NTNG1: variants seen among roughly 807,000 people sequenced by gnomAD.
NTNG1 encodes netrin-G1.
In NTNG1, 16 loss-of-function variants were observed where a neutral mutation model predicts 54.0. The ratio of observed to expected loss-of-function variants is 0.30; its 90% CI spans 0.20 to 0.45. The LOEUF is 0.45. Ranked by LOEUF, NTNG1 falls within the 20% of genes least tolerant of loss-of-function variation. The pLI is 1.00. For missense variants in NTNG1, 530 were observed against 678.7 expected, an observed-to-expected ratio of 0.78 and a Z score of 2.43; for synonymous variants, 255 against 263.1, an observed-to-expected ratio of 0.97 and a Z score of 0.30.
chr1:107,289,319 C>T (rs1665426806), intron 2 of NTNG1, among the ~76,000 whole-genome samples: 1 of 152,084 alleles, frequency 6.6e-6, no homozygotes, highest in Non-Finnish European at 1.5e-5. Context: ...TGATGTCTTC[C>T]TGTCAGTCAT....
At chr1:107,282,176 C>G (rs1176150912) in intron 2 of NTNG1, among the ~76,000 whole-genome samples, 1 of 152,156 alleles carries the variant, frequency 6.6e-6, no homozygotes, top group African/African-American at 2.4e-5. Context: ...TTCAGTTTGA[C>G]AAAATCCCAT....
At chr1:107,253,427 CCTTTTATT>C (rs1434502144) in intron 2 of NTNG1, among the ~76,000 whole-genome samples, 1 of 152,172 alleles carries the variant, frequency 6.6e-6, no homozygotes, top group Non-Finnish European at 1.5e-5. Context: ...ATATCTTTAT[CCTTTTATT>C]CTAAATTCTC....
At chr1:107,249,439 G>A (rs940426620) in intron 2 of NTNG1, among the ~76,000 whole-genome samples, 6 of 147,968 alleles carry the variant, frequency 4.1e-5, no homozygotes, top group East Asian at 2.0e-4. Flanking sequence ...CCGAGATGGC[G>A]CCATTGCACT....
At chr1:107,397,671 A>G (rs1672763429) in intron 4 of NTNG1, among the ~76,000 whole-genome samples, 1 of 152,300 alleles carries the variant, frequency 6.6e-6, no homozygotes, top group South Asian at 2.1e-4. Flanking sequence ...AGTTTTTTTC[A>G]TAAGACAGTC....
chr1:107,252,275 G>A (rs1662656323), intron 2 of NTNG1, among the ~76,000 whole-genome samples: 2 of 152,172 alleles, frequency 1.3e-5, no homozygotes, highest in South Asian at 4.1e-4. Context: ...TCCTTTTAAA[G>A]CCATTTGCTG....
At chr1:107,195,927 C>T (rs61324349) in intron 2 of NTNG1, among the ~76,000 whole-genome samples, 16,071 of 151,866 alleles carry the variant, frequency 0.11, 2,852 homozygotes, top group African/African-American at 0.36. Flanking sequence ...TTATTTTCTC[C>T]TTAGCATTTA....
At chr1:107,396,145 T>C (rs1415650284) in intron 4 of NTNG1, among the ~76,000 whole-genome samples, 1 of 152,038 alleles carries the variant, frequency 6.6e-6, no homozygotes, top group Non-Finnish European at 1.5e-5. Flanking sequence ...CTTTAAAAAG[T>C]AGAGAAAGGG....
intron 5 of NTNG1, among the ~76,000 whole-genome samples, chr1:107,429,692 T>TTATAAATG (rs1675134267): frequency 6.6e-6 from 1 of 152,156 alleles, no homozygotes; most frequent in African/African-American, 2.4e-5. Context: ...AATGTCCAAC[T>TTATAAATG]AGGCCTACCC....
At chr1:107,397,680 T>C (rs1391677397) in intron 4 of NTNG1, among the ~76,000 whole-genome samples, 3 of 152,112 alleles carry the variant, frequency 2.0e-5, no homozygotes, top group Non-Finnish European at 4.4e-5. Context: ...CATAAGACAG[T>C]CTTGTCCATT....
intron 2 of NTNG1, among the ~76,000 whole-genome samples, chr1:107,254,045 C>A (rs915255811): frequency 1.3e-5 from 2 of 152,194 alleles, no homozygotes; most frequent in Non-Finnish European, 2.9e-5. Context: ...TTGCTTCTTA[C>A]ATTTACCTTG....
At chr1:107,290,963 T>TATATTATATATA (rs199789100) in intron 2 of NTNG1, among the ~76,000 whole-genome samples, 7 of 142,528 alleles carry the variant, frequency 4.9e-5, no homozygotes, top group Admixed American at 2.1e-4. Context: ...TATATATATA[T>TATATTATATATA]TATATATATA....
In NTNG1 at chr1:107,430,867, G is replaced by C. The variant is rs371441460; in HGVS notation, c.1205G>C (p.Gly402Ala). ...RGQHCELCRL[G>A]YFRNASAQLD... ...CAGCACTGTGAGTTATGCAGGCTGG[G>C]CTACTTCAGAAATGCTTCTGCACAA... The change falls in exon 6 of 8, where the codon GGC becomes GCC. Residue 402 changes from glycine to alanine, a missense_variant. Physicochemically the swap from Gly to Ala is moderately conservative, Grantham distance 60. Around this residue, in one of 2 missense-constraint regions of NTNG1, gnomAD observed 212 missense variants for 213.6 expected, o/e 0.99. Coordinates refer to ENST00000370068, the MANE Select transcript of NTNG1 (RefSeq NM_001113226.3). The C allele has an allele frequency of 5.0e-6, 8 of 1,613,094 alleles. No homozygotes were observed. Among genetic ancestry groups the C allele is most frequent in the Non-Finnish European group, 6.8e-6 (8 of 1,179,556 alleles).
At chr1:107,385,871 A>T (rs72699400) in intron 3 of NTNG1, among the ~76,000 whole-genome samples, 1,608 of 149,502 alleles carry the variant, frequency 0.011, 18 homozygotes, top group Non-Finnish European at 0.015. Context: ...AGTGGTTTTT[A>T]GTATATTCAA....
At chr1:107,164,977 C>A (rs534630276) in intron 2 of NTNG1, among the ~76,000 whole-genome samples, 1 of 152,054 alleles carries the variant, frequency 6.6e-6, no homozygotes, top group Non-Finnish European at 1.5e-5. Flanking sequence ...AAGCTAATTC[C>A]GATTGGCTAT....
At chr1:107,290,986 C>T (rs997028317) in intron 2 of NTNG1, among the ~76,000 whole-genome samples, 45 of 127,830 alleles carry the variant, frequency 3.5e-4, no homozygotes, top group African/African-American at 1.4e-3. Flanking sequence ...TATATATATA[C>T]ACACACACAT....
At chr1:107,221,395 C>A (rs1269338293) in intron 2 of NTNG1, among the ~76,000 whole-genome samples, 1 of 152,122 alleles carries the variant, frequency 6.6e-6, no homozygotes, top group Non-Finnish European at 1.5e-5. Flanking sequence ...CATGGCCTAA[C>A]AAAGACAGGT....
intron 2 of NTNG1, among the ~76,000 whole-genome samples, chr1:107,245,430 A>G (rs1662131546): frequency 6.6e-6 from 1 of 152,258 alleles, no homozygotes; most frequent in Admixed American, 6.5e-5. Flanking sequence ...GAAATGAGCC[A>G]TCAGCCTATT....
chr1:107,424,171 C>A (rs1398026715), intron 5 of NTNG1, among the ~76,000 whole-genome samples: 1 of 152,012 alleles, frequency 6.6e-6, no homozygotes, highest in Non-Finnish European at 1.5e-5. Flanking sequence ...GCTATTATCT[C>A]AGATTAAATG....
chr1:107,206,551 C>T (rs780559573), intron 2 of NTNG1, among the ~76,000 whole-genome samples: 1 of 152,126 alleles, frequency 6.6e-6, no homozygotes, highest in African/African-American at 2.4e-5. Flanking sequence ...ATGTTCTTCT[C>T]ATGTGCCTTT....
Sources: gnomAD v4.1 joint callset for allele counts (sites outside exome capture counted in the v4.1 genomes callset) on GRCh38, gnomAD v4.1.1 for gene constraint, gnomAD v4.1.1 regional missense constraint, MANE v1.5 for transcripts, NCBI Gene and HGNC (gene_info 2026-07-23, HGNC 2026-07-21) for gene names.